LRSAM1: variants seen among roughly 807,000 people sequenced by gnomAD.
LRSAM1 encodes the protein leucine rich repeat and sterile alpha motif containing 1.
LRSAM1 carries 96 observed loss-of-function variants against 118.1 expected under a neutral mutation model. The observed-to-expected ratio is 0.81, with a 90% CI of 0.69 to 0.96. The LOEUF (loss-of-function observed/expected upper bound fraction) is 0.96. Ranked by LOEUF, LRSAM1 falls within the 40% of genes least tolerant of loss-of-function variation. LRSAM1 has a pLI of 0.00. For missense variants in LRSAM1, 804 were observed against 915.5 expected, an observed-to-expected ratio of 0.88 and a Z score of 1.57; for synonymous variants, 322 against 364.2, an observed-to-expected ratio of 0.88 and a Z score of 1.32.
intron 4 of LRSAM1, 49 bp from the exon 5 acceptor site, chr9:127,455,527 T>C: frequency 6.3e-7 from 1 of 1,597,588 alleles, no homozygotes; most frequent in East Asian, 2.2e-5. Context: ...GAGAACAAGC[T>C]AAAAACTGGC....
chr9:127,491,481 A>G (rs1243680352), intron 20 of LRSAM1, among the ~76,000 whole-genome samples, 186 bp downstream of exon 20: 1 of 152,184 alleles, frequency 6.6e-6, no homozygotes, highest in Non-Finnish European at 1.5e-5. Flanking sequence ...GGCCCAGCGC[A>G]GGCCAAGGTT....
At chr9:127,466,798 A>C (rs903473204) in intron 9 of LRSAM1, among the ~76,000 whole-genome samples, 13 of 151,920 alleles carry the variant, frequency 8.6e-5, no homozygotes, top group Non-Finnish European at 1.8e-4. Context: ...CTTGGGCCCA[A>C]GACTTTGAGA....
chr9:127,485,682 GGT>G, intron 16 of LRSAM1, 52 bp from the exon 17 acceptor site: 1 of 1,564,562 alleles, frequency 6.4e-7, no homozygotes, highest in Non-Finnish European at 8.8e-7. Context: ...TCCCTGCCCA[GGT>G]GCCCCAGGAG....
intron 9 of LRSAM1, among the ~76,000 whole-genome samples, chr9:127,466,060 G>C (rs894759021): frequency 6.6e-6 from 1 of 152,184 alleles, no homozygotes; most frequent in African/African-American, 2.4e-5. Flanking sequence ...TGTAATCCTA[G>C]CACTTTGGGA....
At chr9:127,496,736 T>C (rs1836161017) in intron 23 of LRSAM1, among the ~76,000 whole-genome samples, 1 of 152,164 alleles carries the variant, frequency 6.6e-6, no homozygotes, top group Admixed American at 6.5e-5. Context: ...GTTCGTGTTC[T>C]TTTTCATGAG....
Position 127,461,213 on chromosome 9 carries a change from G to T in LRSAM1, c.362G>T (p.Arg121Leu), listed in dbSNP as rs143910539. Reference protein sequence around the residue: ...VERNQLMQLPRSIGNLTQLQT... With the variant: ...VERNQLMQLPLSIGNLTQLQT... The stretch of plus-strand genomic sequence containing the variant: ...AGGAATCAACTGATGCAGCTCCCAC[G>T]TTCCATTGGGAACCTGACCCAGCTC... The change falls in exon 8 of 26, where the codon CGT becomes CTT. Residue 121 changes from arginine to leucine, a missense_variant. Coordinates refer to ENST00000300417, the MANE Select transcript of LRSAM1 (RefSeq NM_001005373.4). 6 of 1,612,186 alleles carry T rather than the reference G, an allele frequency of 3.7e-6. No individual in the cohort carries two copies. Among genetic ancestry groups the T allele is most frequent in the Non-Finnish European group, 5.1e-6 (6 of 1,178,690 alleles).
intron 16 of LRSAM1, 53 bp downstream of exon 16, chr9:127,483,073 C>T: frequency 1.9e-6 from 3 of 1,558,608 alleles, no homozygotes; most frequent in African/African-American, 1.4e-5. Flanking sequence ...GCTGGGCTGG[C>T]AGGGTGGATG....
At position 127,473,962 on chromosome 9, in the gene LRSAM1, A is replaced by T. The variant is rs745860051; in HGVS notation, c.750+31A>T. ...ACAAGGCAGCCTGCTGCACGCATAC[A>T]TGTGTGTGTGTGCGTGTGCATGTAT... On this transcript the variant is annotated intron_variant, in intron 11 of 25. Transcript: ENST00000300417. 5.6e-6 allele frequency: 9 copies of T among 1,612,142 alleles called. No individual in the cohort carries two copies. In the Middle Eastern group the frequency reaches 6.6e-4, roughly 118 times the overall value.
chr9:127,492,933 G>C, intron 21 of LRSAM1, 36 bp downstream of exon 21: 1 of 1,577,378 alleles, frequency 6.3e-7, no homozygotes, highest in South Asian at 1.1e-5. Flanking sequence ...CATCACACAG[G>C]CATTTGCTTT....
chr9:127,480,091 C>T (rs1371725498), intron 14 of LRSAM1, 113 bp downstream of exon 14: 5 of 1,445,744 alleles, frequency 3.5e-6, no homozygotes, highest in Non-Finnish European at 4.8e-6. Context: ...CCGGGCTTCC[C>T]TTGTCAGGAT....
chr9:127,459,217 G>GTTTTTT, intron 7 of LRSAM1, 146 bp downstream of exon 7: 1 of 579,618 alleles, frequency 1.7e-6, no homozygotes, highest in Non-Finnish European at 3.0e-6. Flanking sequence ...GCCCTTTGGG[G>GTTTTTT]TTTTTTTTTT....
chr9:127,485,970 G>A (rs1835715412), intron 17 of LRSAM1, 135 bp downstream of exon 17: 1 of 762,600 alleles, frequency 1.3e-6, no homozygotes, highest in Non-Finnish European at 2.3e-6. Context: ...TTAGGGGCAA[G>A]TGATGGCTGC....
chr9:127,463,340 G>A (rs1834820430), intron 9 of LRSAM1, among the ~76,000 whole-genome samples: 1 of 152,130 alleles, frequency 6.6e-6, no homozygotes, highest in Non-Finnish European at 1.5e-5. Context: ...GAGCTTGTGT[G>A]ATATGGGGCC....
chr9:127,499,538 AT>A (rs59149685), intron 24 of LRSAM1, among the ~76,000 whole-genome samples: 74,647 of 146,086 alleles, frequency 0.51, 19,426 homozygotes, highest in African/African-American at 0.55. Context: ...CTAAAAAAAA[AT>A]ATATATATAT....
intron 11 of LRSAM1, among the ~76,000 whole-genome samples, chr9:127,477,387 TGCTGC>T (rs1259983230): frequency 6.6e-6 from 1 of 152,230 alleles, no homozygotes; most frequent in Non-Finnish European, 1.5e-5. Context: ...ATTTATAGGT[TGCTGC>T]TTTTATAATT....
chr9:127,461,273 C>A lies in LRSAM1; in HGVS notation c.406+16C>A. 1 of 1,605,498 alleles carries A rather than the reference C, an allele frequency of 6.2e-7. No homozygotes were observed. The highest frequency in any genetic ancestry group is 1.3e-5 in the African/African-American group (1 of 74,814). On this transcript the variant is annotated intron_variant, in intron 8 of 25. Coordinates refer to ENST00000300417, the MANE Select transcript of LRSAM1 (RefSeq NM_001005373.4). ...AATGTTAAAGGTAGGGACCAAGAAG[C>A]CGTGTCCGTGTGACCCTCCATCAGC...
chr9:127,495,606 G>A (rs1033065121), intron 22 of LRSAM1, among the ~76,000 whole-genome samples, 188 bp downstream of exon 22: 2 of 152,184 alleles, frequency 1.3e-5, no homozygotes, highest in African/African-American at 2.4e-5. Context: ...TGAGGGGGAC[G>A]ACAAGGCACT....
Position 127,465,873 on chromosome 9 carries a change from G to C in LRSAM1, c.529-1867G>C, listed in dbSNP as rs1834905546. Among the ~76,000 whole-genome samples, 1 of 152,218 alleles carries C rather than the reference G, an allele frequency of 6.6e-6. No homozygotes were observed. Among genetic ancestry groups the C allele is most frequent in the Non-Finnish European group, 1.5e-5 (1 of 68,048 alleles). The stretch of plus-strand genomic sequence containing the variant: ...CACAACTCACACCGTGGATGGGGCA[G>C]TTCTGTGGCTGTGAGCTGAGGCCCC... On this transcript the variant is annotated intron_variant, in intron 9 of 25. Transcript: ENST00000300417. The surrounding 1 kb of genome is among the most constrained non-coding windows in gnomAD (Gnocchi z 4.1).
At position 127,496,775 on chromosome 9, in the gene LRSAM1, A is replaced by G. The variant is rs145359330; in HGVS notation, c.1831-478A>G. 2.7e-3 allele frequency among the ~76,000 whole-genome samples: 417 copies of G among 152,292 alleles called. 4 individuals are homozygous for G. Among genetic ancestry groups the G allele is most frequent in the Non-Finnish European group, 4.2e-3 (287 of 68,026 alleles). ...CTCCTGCCCCTCCCTGGACAGATGCAGACACCAGGGTCCAAGAGGACTGGA... is the reference window on the plus strand; with the variant it reads ...CTCCTGCCCCTCCCTGGACAGATGCGGACACCAGGGTCCAAGAGGACTGGA... On this transcript the variant is annotated intron_variant, in intron 23 of 25. Transcript: ENST00000300417.
Sources: gnomAD v4.1 joint callset for allele counts (sites outside exome capture counted in the v4.1 genomes callset) on GRCh38, gnomAD v4.1.1 for gene constraint, Gnocchi (gnomAD v3.1) non-coding constraint, MANE v1.5 for transcripts, NCBI Gene and HGNC (gene_info 2026-07-23, HGNC 2026-07-21) for gene names.